PTPRN2: variants seen among roughly 807,000 people sequenced by gnomAD.
PTPRN2 encodes the protein protein tyrosine phosphatase receptor type N2.
Under a neutral mutation model 118.8 loss-of-function variants are expected in PTPRN2, and 74 were observed. That is an observed-to-expected ratio of 0.62 (90% confidence interval 0.52 to 0.76). The LOEUF is 0.76. PTPRN2 is among the 30% of genes least tolerant of loss of function. The pLI is 0.00. For missense variants in PTPRN2, 1,481 were observed against 1,394.4 expected (o/e 1.06, Z -0.99); for synonymous variants, 641 against 608.0 (o/e 1.05, Z -0.80).
At chr7:157,833,549 G>A (rs1000203146) in intron 12 of PTPRN2, among the ~76,000 whole-genome samples, 6 of 151,102 alleles carry the variant, frequency 4.0e-5, no homozygotes, top group Non-Finnish European at 8.8e-5. Context: ...TTGTCCAGGA[G>A]CGAGATGTGG....
At chr7:158,512,867 T>A (rs112202402) in intron 1 of PTPRN2, among the ~76,000 whole-genome samples, 252 of 152,280 alleles carry the variant, frequency 1.7e-3, no homozygotes, top group African/African-American at 5.9e-3. Flanking sequence ...CAGCCGAAGC[T>A]GGAACAATGT....
chr7:158,005,976 A>G (rs1264789235), intron 11 of PTPRN2, among the ~76,000 whole-genome samples: 1 of 152,188 alleles, frequency 6.6e-6, no homozygotes, highest in African/African-American at 2.4e-5. Context: ...CCTGCATCTG[A>G]ATTTCTTTGG....
At chr7:158,248,914 CCA>C (rs1293350468) in intron 3 of PTPRN2, among the ~76,000 whole-genome samples, 7 of 149,196 alleles carry the variant, frequency 4.7e-5, no homozygotes, top group Non-Finnish European at 7.4e-5. Context: ...CATATATACA[CCA>C]CACAGTGCAC....
chr7:157,990,306 C>T lies in PTPRN2; in HGVS notation c.1723+90992G>A, dbSNP rs1030201593. On this transcript the variant is annotated intron_variant, in intron 11 of 22. Coordinates refer to ENST00000389418, the MANE Select transcript of PTPRN2 (RefSeq NM_002847.5). The surrounding 1 kb of genome is among the most constrained non-coding windows in gnomAD (Gnocchi z 4.3). ...GTAGCGACACAGCTTCCCAAGCAGGCGAGTGACCTGGAGCACAGAGGGGAG... is the reference window on the plus strand; with the variant it reads ...GTAGCGACACAGCTTCCCAAGCAGGTGAGTGACCTGGAGCACAGAGGGGAG... Among the ~76,000 whole-genome samples the T allele has an allele frequency of 9.9e-5, 15 of 152,044 alleles. No homozygotes were observed. The highest frequency in any genetic ancestry group is 1.5e-4 in the Non-Finnish European group (10 of 68,018).
chr7:158,058,551 A>G (rs1171103551), intron 11 of PTPRN2, among the ~76,000 whole-genome samples: 2 of 77,510 alleles, frequency 2.6e-5, no homozygotes, highest in East Asian at 4.3e-4. Context: ...ACACGGTGAG[A>G]CATCACTGCA....
intron 2 of PTPRN2, among the ~76,000 whole-genome samples, chr7:158,371,522 C>G (rs1161559649): frequency 1.3e-5 from 2 of 152,042 alleles, no homozygotes; most frequent in African/African-American, 2.4e-5. Context: ...GCATATTTTC[C>G]TACACAATTA....
intron 2 of PTPRN2, among the ~76,000 whole-genome samples, chr7:158,334,459 G>T (rs1205414246): frequency 6.5e-5 from 1 of 15,458 alleles, no homozygotes. Flanking sequence ...AAGAGGTGAC[G>T]CCCATAGACG....
chr7:158,407,313 G>A (rs1813622523), intron 2 of PTPRN2, among the ~76,000 whole-genome samples: 2 of 122,578 alleles, frequency 1.6e-5, no homozygotes, highest in African/African-American at 6.3e-5. Context: ...TGGGTCCTGG[G>A]TCCTGGGTCC....
chr7:158,576,253 C>T (rs1400692651), intron 1 of PTPRN2, among the ~76,000 whole-genome samples: 1 of 152,184 alleles, frequency 6.6e-6, no homozygotes, highest in Non-Finnish European at 1.5e-5. Context: ...GCACAGCAAC[C>T]CTGTCAGGCT....
Position 158,151,509 on chromosome 7 carries a change from G to GCCT in PTPRN2, c.911-12995_911-12994insAGG, listed in dbSNP as rs1478993987. On this transcript the variant is annotated intron_variant, in intron 6 of 22. Coordinates refer to ENST00000389418, the MANE Select transcript of PTPRN2 (RefSeq NM_002847.5). ...CCCTGCCCACACCGCCCGCCTTTCT[G>GCCT]CTCCTCACCGCACGTCCTACTCCAG... Among the ~76,000 whole-genome samples the GCCT allele has an allele frequency of 1.9e-3, 39 of 20,406 alleles. 2 individuals are homozygous for GCCT. The highest frequency in any genetic ancestry group is 0.011 in the East Asian group (6 of 554). The allele number at this position is 20,406 out of a possible 152,430, so 13.4% of individuals were successfully genotyped here.
chr7:157,904,252 T>C (rs1797631608), intron 11 of PTPRN2, among the ~76,000 whole-genome samples: 1 of 152,194 alleles, frequency 6.6e-6, no homozygotes, highest in African/African-American at 2.4e-5. Flanking sequence ...GTCACCAGGA[T>C]TCTCCTGATT....
At chr7:157,876,168 C>T (rs1795755537) in intron 12 of PTPRN2, among the ~76,000 whole-genome samples, 1 of 152,248 alleles carries the variant, frequency 6.6e-6, no homozygotes, top group Non-Finnish European at 1.5e-5. Flanking sequence ...CCTCAGTGCC[C>T]TGGACCATGG....
At chr7:158,356,779 A>C (rs1232790634) in intron 2 of PTPRN2, among the ~76,000 whole-genome samples, 1 of 37,262 alleles carries the variant, frequency 2.7e-5, no homozygotes, top group Non-Finnish European at 5.2e-5. Context: ...GCAAAAGGTG[A>C]AAAGAGCTAA....
intron 6 of PTPRN2, among the ~76,000 whole-genome samples, chr7:158,160,082 T>A (rs907504071): frequency 1.3e-5 from 2 of 152,210 alleles, no homozygotes; most frequent in African/African-American, 4.8e-5. Flanking sequence ...ATTGTCTTTA[T>A]TTGGAAATTA....
intron 9 of PTPRN2, among the ~76,000 whole-genome samples, chr7:158,119,837 G>T (rs1262156230): frequency 6.6e-6 from 1 of 152,034 alleles, no homozygotes; most frequent in African/African-American, 2.4e-5. Context: ...CTCCCCCTTA[G>T]ATAAGGGGGA....
At chr7:157,862,379 C>T (rs1329468494) in intron 12 of PTPRN2, among the ~76,000 whole-genome samples, 3 of 152,236 alleles carry the variant, frequency 2.0e-5, no homozygotes, top group African/African-American at 7.2e-5. Flanking sequence ...TAGGGGATTC[C>T]CTTCTGAACA....
At chr7:158,042,994 G>A (rs868202660) in intron 11 of PTPRN2, among the ~76,000 whole-genome samples, 3 of 152,134 alleles carry the variant, frequency 2.0e-5, no homozygotes, top group South Asian at 2.1e-4. Context: ...AGTGTGCAAC[G>A]CATCTGCCAT....
chr7:158,527,391 C>T (rs1012884272), intron 1 of PTPRN2, among the ~76,000 whole-genome samples: 5 of 152,218 alleles, frequency 3.3e-5, no homozygotes, highest in African/African-American at 1.2e-4. Flanking sequence ...AGTCCTTGGA[C>T]GTGCTAAATC....
intron 2 of PTPRN2, among the ~76,000 whole-genome samples, chr7:158,469,908 C>T (rs1819722713): frequency 6.6e-6 from 1 of 151,522 alleles, no homozygotes; most frequent in Non-Finnish European, 1.5e-5. Flanking sequence ...GGGATTTGTC[C>T]TATTGCATCA....
Sources: gnomAD v4.1 joint callset for allele counts (sites outside exome capture counted in the v4.1 genomes callset) on GRCh38, gnomAD v4.1.1 for gene constraint, Gnocchi (gnomAD v3.1) non-coding constraint, MANE v1.5 for transcripts, NCBI Gene and HGNC (gene_info 2026-07-23, HGNC 2026-07-21) for gene names.